DCDC2C: variants seen among roughly 807,000 people sequenced by gnomAD.
DCDC2C encodes doublecortin domain containing 2C, also known as doublecortin domain-containing protein 2C.
A neutral mutation model predicts 45.0 loss-of-function variants in DCDC2C; 44 were observed. That is an observed-to-expected ratio of 0.98 (90% CI 0.77 to 1.26). The LOEUF is 1.26. Among genes scored for constraint, DCDC2C ranks in the 50% most tolerant of loss-of-function variants. DCDC2C has a pLI of 0.00. For missense variants in DCDC2C, 447 were observed against 468.9 expected (o/e 0.95, Z 0.43); for synonymous variants, 187 against 178.8 (o/e 1.05, Z -0.37).
At chr2:3,707,967 A>G (rs1668111734) in intron 1 of DCDC2C, among the ~76,000 whole-genome samples, 1 of 152,220 alleles carries the variant, frequency 6.6e-6, no homozygotes, top group South Asian at 2.1e-4. Context: ...TTTATTACCC[A>G]TGAAAACATT....
At position 3,738,539 on chromosome 2, in the gene DCDC2C, G is replaced by GAAAAA. The variant is rs752819998; in HGVS notation, c.417-3381_417-3380insAAAAA. The stretch of plus-strand genomic sequence containing the variant: ...TACATTTTTTCTGCTGGTCTATCTG[G>GAAAAA]GAAAAAAAAAAAAAAAAAAAAAAAA... On this transcript the variant is annotated intron_variant, in intron 3 of 10. Transcript: ENST00000399143. Among the ~76,000 whole-genome samples the GAAAAA allele has an allele frequency of 1.4e-3, 79 of 55,252 alleles. 24 individuals carry two copies. The highest frequency in any genetic ancestry group is 2.4e-3 in the African/African-American group (33 of 14,006). The allele number at this position is 55,252 out of a possible 152,430, so 36.2% of individuals were successfully genotyped here.
At chr2:3,704,100 T>C in intron 1 of DCDC2C, 62 bp downstream of exon 1, 3 of 1,211,606 alleles carry the variant, frequency 2.5e-6, no homozygotes, top group Non-Finnish European at 3.1e-6. Flanking sequence ...GGTCTGAGCG[T>C]GGTCAGGGCC....
intron 10 of DCDC2C, among the ~76,000 whole-genome samples, chr2:3,839,336 CA>C (rs1672154176): frequency 6.6e-6 from 1 of 152,218 alleles, no homozygotes; most frequent in African/African-American, 2.4e-5. Context: ...TTTATTTTCA[CA>C]AATTTGAGCC....
At chr2:3,752,067 A>G (rs1669559432) in intron 4 of DCDC2C, among the ~76,000 whole-genome samples, 1 of 152,094 alleles carries the variant, frequency 6.6e-6, no homozygotes. Context: ...CCCTGTTGCA[A>G]GTTCCTCCAG....
chr2:3,715,787 A>G (rs1668336632), intron 2 of DCDC2C, among the ~76,000 whole-genome samples: 1 of 152,232 alleles, frequency 6.6e-6, no homozygotes, highest in Admixed American at 6.5e-5. Context: ...CAGTTGTACA[A>G]AAAGGAAAAA....
intron 5 of DCDC2C, 29 bp from the exon 6 acceptor site, chr2:3,754,563 T>C: frequency 6.5e-7 from 1 of 1,547,958 alleles, no homozygotes; most frequent in Non-Finnish European, 8.7e-7. Context: ...GGGCTTTACA[T>C]TTCAAGTTGA....
intron 1 of DCDC2C, among the ~76,000 whole-genome samples, chr2:3,705,780 A>T (rs1317133332): frequency 6.6e-6 from 1 of 152,070 alleles, no homozygotes; most frequent in Non-Finnish European, 1.5e-5. Flanking sequence ...GACATGTAGC[A>T]AAAATATTGA....
intron 2 of DCDC2C, among the ~76,000 whole-genome samples, chr2:3,715,874 T>C (rs1374860009): frequency 6.6e-6 from 1 of 152,062 alleles, no homozygotes; most frequent in African/African-American, 2.4e-5. Context: ...ATAGAGTATG[T>C]GGGGGATATG....
At chr2:3,845,247 G>A (rs1306030180) in intron 10 of DCDC2C, among the ~76,000 whole-genome samples, 2 of 152,168 alleles carry the variant, frequency 1.3e-5, no homozygotes, top group Non-Finnish European at 2.9e-5. Flanking sequence ...ACACACAAAA[G>A]GCACTAAGAA....
intron 3 of DCDC2C, among the ~76,000 whole-genome samples, chr2:3,740,957 T>C (rs959812746): frequency 6.6e-6 from 1 of 152,236 alleles, no homozygotes; most frequent in African/African-American, 2.4e-5. Context: ...TATATATTGT[T>C]AAAGGATATC....
At chr2:3,803,922 A>G (rs1476440167) in intron 10 of DCDC2C, among the ~76,000 whole-genome samples, 1 of 152,120 alleles carries the variant, frequency 6.6e-6, no homozygotes, top group African/African-American at 2.4e-5. Flanking sequence ...TTCCCCTTTA[A>G]TTATGTCACT....
chr2:3,743,198 T>TATACAACAC, intron 4 of DCDC2C, among the ~76,000 whole-genome samples: 1 of 152,066 alleles, frequency 6.6e-6, no homozygotes, highest in African/African-American at 2.4e-5. Flanking sequence ...CCATCAAGAA[T>TATACAACAC]ATACAACAAT....
At chr2:3,788,710 G>A (rs1359053831) in intron 10 of DCDC2C, among the ~76,000 whole-genome samples, 2 of 152,128 alleles carry the variant, frequency 1.3e-5, no homozygotes, top group African/African-American at 4.8e-5. Flanking sequence ...CCTTTTAAAT[G>A]CATGTTGGAG....
At chr2:3,719,376 T>C (rs575264706) in intron 2 of DCDC2C, among the ~76,000 whole-genome samples, 5 of 152,324 alleles carry the variant, frequency 3.3e-5, no homozygotes, top group East Asian at 1.9e-4. Flanking sequence ...TGAGCCACCG[T>C]GCCCAGCCAG....
intron 10 of DCDC2C, among the ~76,000 whole-genome samples, chr2:3,842,859 T>C (rs1672249242): frequency 6.6e-6 from 1 of 152,024 alleles, no homozygotes; most frequent in African/African-American, 2.4e-5. Flanking sequence ...CCACATTAGA[T>C]ACCCAGCCAT....
At chr2:3,758,616 G>A (rs1385799582) in intron 6 of DCDC2C, among the ~76,000 whole-genome samples, 2 of 152,174 alleles carry the variant, frequency 1.3e-5, no homozygotes, top group African/African-American at 4.8e-5. Context: ...AGCTGCCAGC[G>A]TCAGTGATCT....
chr2:3,770,446 T>C (rs1266883897), intron 8 of DCDC2C, among the ~76,000 whole-genome samples: 2 of 152,256 alleles, frequency 1.3e-5, no homozygotes, highest in East Asian at 1.9e-4. Flanking sequence ...CCACTTCCTT[T>C]TTTTGGCATT....
chr2:3,784,312 CTCTT>C (rs1300621796), intron 9 of DCDC2C, among the ~76,000 whole-genome samples: 7 of 152,120 alleles, frequency 4.6e-5, no homozygotes, highest in African/African-American at 9.7e-5. Context: ...AGAGTTTTTG[CTCTT>C]TCTATTAAAA....
At chr2:3,780,160 T>C (rs896878914) in intron 9 of DCDC2C, among the ~76,000 whole-genome samples, 2 of 151,834 alleles carry the variant, frequency 1.3e-5, no homozygotes, top group Non-Finnish European at 2.9e-5. Context: ...AGGGTAAGAG[T>C]GTGTTCTGAG....
Sources: gnomAD v4.1 joint callset for allele counts (sites outside exome capture counted in the v4.1 genomes callset) on GRCh38, gnomAD v4.1.1 for gene constraint, MANE v1.5 for transcripts, NCBI Gene and HGNC (gene_info 2026-07-23, HGNC 2026-07-21) for gene names.